Variants in SLC14A2 observed in about 807,000 individuals in gnomAD.
SLC14A2 encodes solute carrier family 14 member 2, also known as urea transporter 2.
SLC14A2 carries 91 observed loss-of-function variants against 104.6 expected under a neutral mutation model. The ratio of observed to expected loss-of-function variants is 0.87; its 90% confidence interval spans 0.73 to 1.04. SLC14A2 has a LOEUF of 1.04. Among genes scored for constraint, SLC14A2 ranks in the 50% least tolerant of loss-of-function variants. SLC14A2 has a pLI of 0.00. For missense variants in SLC14A2, 1,189 were observed against 1,156.0 expected (o/e 1.03, Z -0.41); for synonymous variants, 476 against 466.4 (o/e 1.02, Z -0.27).
chr18:45,214,914 T>TAAAAAAAAAAAAAAAAAAAAAA (rs11332986), intron 1 of SLC14A2, among the ~76,000 whole-genome samples: 1 of 113,890 alleles, frequency 8.8e-6, no homozygotes, highest in Non-Finnish European at 1.8e-5. Flanking sequence ...ACCATGTCTT[T>TAAAAAAAAAAAAAAAAAAAAAA]AAAAAAAAAA....
upstream of SLC14A2, among the ~76,000 whole-genome samples, chr18:45,612,421 T>G (rs1229662786): frequency 6.6e-6 from 1 of 152,222 alleles, no homozygotes; most frequent in Non-Finnish European, 1.5e-5. Flanking sequence ...TGATTGGGGT[T>G]CTTGGACAAT....
intron 1 of SLC14A2, among the ~76,000 whole-genome samples, chr18:45,214,347 T>C (rs1188423106): frequency 1.3e-5 from 2 of 152,270 alleles, no homozygotes; most frequent in African/African-American, 4.8e-5. Context: ...TCTGTGTATC[T>C]TGAGGGAAAT....
chr18:45,673,016 A>T lies in SLC14A2; in HGVS notation c.2346A>T (p.Ala782=). The change falls in exon 17 of 20, where the codon GCA becomes GCT. Residue 782 remains alanine, a synonymous_variant. Transcript: ENST00000255226. ...CCTCACCTCTCATTTGCTTGCATGCAGCAATTGGATCCACCATGGGGATGC... is the reference window on the plus strand; with the variant it reads ...CCTCACCTCTCATTTGCTTGCATGCTGCAATTGGATCCACCATGGGGATGC... The part of the protein sequence containing the change: ...FISSPLICLH[A]AIGSTMGMLA... The T allele has an allele frequency of 6.2e-7, 1 of 1,614,164 alleles. No homozygotes were observed. Among genetic ancestry groups the T allele is most frequent in the Non-Finnish European group, 8.5e-7 (1 of 1,180,014 alleles).
the SLC14A2 span, among the ~76,000 whole-genome samples, chr18:45,204,979 A>G: frequency 6.6e-6 from 1 of 152,184 alleles, no homozygotes; most frequent in Non-Finnish European, 1.5e-5. Context: ...TGCCTTGGGT[A>G]TCAGCTCCCT....
At chr18:45,298,001 G>C (rs976180323) in intron 1 of SLC14A2, among the ~76,000 whole-genome samples, 2 of 152,158 alleles carry the variant, frequency 1.3e-5, no homozygotes, top group Non-Finnish European at 2.9e-5. Flanking sequence ...TAAACTTTAT[G>C]CCTGTGTCTC....
At chr18:45,174,538 T>TA in the SLC14A2 span, among the ~76,000 whole-genome samples, 544 of 151,982 alleles carry the variant, frequency 3.6e-3, 6 homozygotes, top group African/African-American at 0.012. Flanking sequence ...AATCACCGCT[T>TA]AAAAAAAAGG....
At chr18:45,473,152 G>T (rs2087284303) in intron 1 of SLC14A2, among the ~76,000 whole-genome samples, 1 of 152,154 alleles carries the variant, frequency 6.6e-6, no homozygotes, top group African/African-American at 2.4e-5. Flanking sequence ...TCCATTGCTT[G>T]TTTTTGTCAG....
chr18:45,639,712 T>G, intron 6 of SLC14A2, 34 bp from the exon 7 acceptor site: 3 of 1,608,406 alleles, frequency 1.9e-6, no homozygotes, highest in Non-Finnish European at 2.5e-6. Flanking sequence ...TTATTGTCCA[T>G]GCTCCAGTGA....
At chr18:45,193,915 A>G in the SLC14A2 span, among the ~76,000 whole-genome samples, 110 of 152,250 alleles carry the variant, frequency 7.2e-4, no homozygotes, top group Non-Finnish European at 1.4e-3. Flanking sequence ...TTTTCAATGT[A>G]TAAATCTTGC....
chr18:45,521,012 A>C (rs1057311013), intron 2 of SLC14A2, among the ~76,000 whole-genome samples: 4 of 152,144 alleles, frequency 2.6e-5, no homozygotes, highest in African/African-American at 9.7e-5. Flanking sequence ...CTAGAATCTT[A>C]ACAGCTGGCC....
chr18:45,183,459 C>T, the SLC14A2 span, among the ~76,000 whole-genome samples: 1 of 152,124 alleles, frequency 6.6e-6, no homozygotes, highest in Non-Finnish European at 1.5e-5. Context: ...TTCTCAAACT[C>T]CTATCCTCTC....
intron 1 of SLC14A2, among the ~76,000 whole-genome samples, chr18:45,427,323 G>A (rs1030756803): frequency 4.6e-5 from 7 of 151,794 alleles, no homozygotes; most frequent in Non-Finnish European, 4.4e-5. Context: ...CTGGCTCTGT[G>A]CCCAAGGCCT....
At chr18:45,256,523 A>C (rs1261418646) in intron 1 of SLC14A2, among the ~76,000 whole-genome samples, 1 of 152,210 alleles carries the variant, frequency 6.6e-6, no homozygotes, top group Non-Finnish European at 1.5e-5. Context: ...CCAATGCCTC[A>C]TTCCCTCTTA....
chr18:45,225,148 C>A (rs1444930513), intron 1 of SLC14A2, among the ~76,000 whole-genome samples: 2 of 151,774 alleles, frequency 1.3e-5, no homozygotes, highest in Non-Finnish European at 2.9e-5. Flanking sequence ...GTCTTTAATC[C>A]ATCTTGAATT....
In SLC14A2 at chr18:45,484,376, C is replaced by T. The variant is rs571137723; in HGVS notation, c.-35+1054C>T. 2.0e-5 allele frequency among the ~76,000 whole-genome samples: 3 copies of T among 152,326 alleles called. No individual in the cohort carries two copies. In the South Asian group the frequency reaches 6.2e-4, roughly 32 times the overall value. On this transcript the variant is annotated intron_variant, in intron 2 of 20. Transcript: ENST00000586448. ...GCTAGTAGTTACTTCCCCACAATTC[C>T]ACCATGCAGAAGGGTAGCACACACT...
At chr18:45,342,442 G>T (rs1027429376) in intron 1 of SLC14A2, among the ~76,000 whole-genome samples, 14 of 152,154 alleles carry the variant, frequency 9.2e-5, no homozygotes, top group Admixed American at 7.9e-4. Flanking sequence ...GAGGGAGGAT[G>T]TGTGGTTTAA....
At chr18:45,658,432 T>G (rs1223269356) in intron 10 of SLC14A2, among the ~76,000 whole-genome samples, 1 of 151,964 alleles carries the variant, frequency 6.6e-6, no homozygotes, top group African/African-American at 2.4e-5. Flanking sequence ...AATACAAAAA[T>G]TAGCCGGGTG....
In SLC14A2 at chr18:45,236,019, GTA is replaced by G. The variant is rs1372278687; in HGVS notation, c.-125+22835_-125+22836del. 1.2e-3 allele frequency among the ~76,000 whole-genome samples: 61 copies of G among 50,630 alleles called. 2 individuals carry two copies. Among genetic ancestry groups the G allele is most frequent in the Non-Finnish European group, 1.7e-3 (53 of 31,120 alleles). 33.2% of individuals were successfully genotyped at this position (50,630 alleles called of 152,430 possible). ...TATACATATATGTGTGTATATATGT[GTA>G]TATATACATATATGTGTGTATATAT... On this transcript the variant is annotated intron_variant, in intron 1 of 20. Coordinates refer to the SLC14A2 transcript ENST00000586448.
upstream of SLC14A2, among the ~76,000 whole-genome samples, chr18:45,212,634 A>T (rs972367895): frequency 6.6e-6 from 1 of 152,194 alleles, no homozygotes; most frequent in Non-Finnish European, 1.5e-5. Context: ...TCTAACGCAC[A>T]TGTGTATTAT....
Sources: gnomAD v4.1 joint callset for allele counts (sites outside exome capture counted in the v4.1 genomes callset) on GRCh38, gnomAD v4.1.1 for gene constraint, MANE v1.5 for transcripts, NCBI Gene and HGNC (gene_info 2026-07-23, HGNC 2026-07-21) for gene names.